Variants in KSR2 observed in about 807,000 individuals in gnomAD.
KSR2 encodes kinase suppressor of ras 2.
KSR2 carries 25 observed loss-of-function variants against 107.8 expected under a neutral mutation model. The ratio of observed to expected loss-of-function variants is 0.23; its 90% CI spans 0.17 to 0.32. The LOEUF (loss-of-function observed/expected upper bound fraction) is 0.32, where lower values mean the gene tolerates loss of function less well. Ranked by LOEUF, KSR2 falls within the 10% of genes least tolerant of loss-of-function variation. The pLI is 1.00. For synonymous variants in KSR2, 480 were observed against 507.0 expected (o/e 0.95, Z 0.71); for missense variants, 887 against 1,268.9 (o/e 0.70, Z 4.57).
At chr12:117,743,618 G>A (rs1014425424) in intron 4 of KSR2, among the ~76,000 whole-genome samples, 4 of 152,200 alleles carry the variant, frequency 2.6e-5, no homozygotes, top group African/African-American at 4.8e-5. Context: ...TCTCTATCTT[G>A]CAGAGAAGGA....
At chr12:117,610,791 G>A (rs943186298) in intron 5 of KSR2, among the ~76,000 whole-genome samples, 8 of 150,080 alleles carry the variant, frequency 5.3e-5, no homozygotes, top group African/African-American at 2.0e-4. Context: ...CCCACACGCA[G>A]TATTCCGAAT....
At chr12:117,781,774 C>T (rs1889897311) in intron 3 of KSR2, among the ~76,000 whole-genome samples, 1 of 152,202 alleles carries the variant, frequency 6.6e-6, no homozygotes, top group Non-Finnish European at 1.5e-5. Context: ...GCAGTTAACC[C>T]TCCCTGGCAC....
At chr12:117,568,697 G>A (rs181715144) in intron 7 of KSR2, among the ~76,000 whole-genome samples, 3,879 of 145,808 alleles carry the variant, frequency 0.027, 166 homozygotes, top group African/African-American at 0.1. Flanking sequence ...GCACCTGGGT[G>A]AGCCCCCAAT....
At chr12:117,771,882 G>A (rs116404086) in intron 3 of KSR2, among the ~76,000 whole-genome samples, 3 of 145,372 alleles carry the variant, frequency 2.1e-5, no homozygotes, top group African/African-American at 2.6e-5. Flanking sequence ...CCCCAAAGAC[G>A]CACAAACACA....
At chr12:117,506,868 T>C (rs1202600217) in intron 14 of KSR2, among the ~76,000 whole-genome samples, 2 of 152,136 alleles carry the variant, frequency 1.3e-5, no homozygotes, top group Non-Finnish European at 2.9e-5. Context: ...TATATATATG[T>C]ATACACACAC....
Position 117,518,756 on chromosome 12 carries a change from T to A in KSR2, c.2219+6096A>T, listed in dbSNP as rs1169052417. 3.3e-5 allele frequency among the ~76,000 whole-genome samples: 5 copies of A among 152,276 alleles called. No individual in the cohort carries two copies. The East Asian group carries it at 7.7e-4, about 23-fold the overall frequency. The stretch of plus-strand genomic sequence containing the variant: ...TTCTATAGCTCCTCAAACGTACCAA[T>A]CTCATACCTACCCCAGGGCCTTTGC... On this transcript the variant is annotated intron_variant, in intron 14 of 19. Transcript: ENST00000339824.
chr12:117,509,807 C>G (rs1023681800), intron 14 of KSR2, among the ~76,000 whole-genome samples: 1 of 152,208 alleles, frequency 6.6e-6, no homozygotes, highest in South Asian at 2.1e-4. Context: ...GTTCCCTTCT[C>G]GAGGTTCCTC....
chr12:117,711,181 G>A (rs1044616408), intron 4 of KSR2, among the ~76,000 whole-genome samples: 3 of 152,222 alleles, frequency 2.0e-5, no homozygotes, highest in Admixed American at 6.5e-5. Context: ...AGAGGGCAAA[G>A]ACATGAGATA....
chr12:117,930,042 T>A (rs975132727), intron 1 of KSR2, among the ~76,000 whole-genome samples: 8 of 152,088 alleles, frequency 5.3e-5, no homozygotes, highest in Non-Finnish European at 7.4e-5. Flanking sequence ...TACCTCAATT[T>A]AAAAAAAATT....
At chr12:117,694,767 G>A (rs1234274123) in intron 4 of KSR2, among the ~76,000 whole-genome samples, 1 of 151,330 alleles carries the variant, frequency 6.6e-6, no homozygotes, top group African/African-American at 2.4e-5. Context: ...TCTGACACAT[G>A]CTCCAACATG....
At chr12:117,558,651 A>ATGGATGGG (rs2137350095) in intron 7 of KSR2, 78 bp from the exon 8 acceptor site, 1 of 1,031,922 alleles carries the variant, frequency 9.7e-7, no homozygotes, top group Non-Finnish European at 1.5e-6. Context: ...GGATGAATGG[A>ATGGATGGG]TGGATGGGTG....
intron 1 of KSR2, among the ~76,000 whole-genome samples, chr12:117,912,162 A>T (rs899435620): frequency 6.6e-6 from 1 of 152,228 alleles, no homozygotes; most frequent in African/African-American, 2.4e-5. Context: ...GATAAACGAA[A>T]GTCCTGGATT....
chr12:117,639,804 G>A (rs1437163334), intron 5 of KSR2, among the ~76,000 whole-genome samples: 2 of 152,020 alleles, frequency 1.3e-5, no homozygotes, highest in African/African-American at 2.4e-5. Context: ...GGAAGATCAA[G>A]GGGCATTTCC....
chr12:117,938,240 G>A (rs1895904331), intron 1 of KSR2, among the ~76,000 whole-genome samples: 1 of 152,052 alleles, frequency 6.6e-6, no homozygotes, highest in Non-Finnish European at 1.5e-5. Flanking sequence ...ACACATATTT[G>A]TACATCATTA....
chr12:117,682,863 G>A (rs1371687013), intron 4 of KSR2, among the ~76,000 whole-genome samples: 1 of 152,188 alleles, frequency 6.6e-6, no homozygotes, highest in Non-Finnish European at 1.5e-5. Flanking sequence ...AGGCAAGAGA[G>A]GATGGAGGAT....
At chr12:117,656,941 G>GATATATATATATATATATATATATATAT (rs71099068) in intron 5 of KSR2, among the ~76,000 whole-genome samples, 1 of 102,506 alleles carries the variant, frequency 9.8e-6, no homozygotes, top group Non-Finnish European at 1.8e-5. Context: ...TATATAATAG[G>GATATATATATATATATATATATATATAT]ATATATATAT....
chr12:117,847,766 C>T (rs1482675479), intron 3 of KSR2, among the ~76,000 whole-genome samples: 1 of 152,200 alleles, frequency 6.6e-6, no homozygotes, highest in Non-Finnish European at 1.5e-5. Context: ...CCATACTGTT[C>T]TCTCTGTGCC....
At chr12:117,781,933 T>G (rs984117040) in intron 3 of KSR2, among the ~76,000 whole-genome samples, 1 of 152,112 alleles carries the variant, frequency 6.6e-6, no homozygotes, top group Non-Finnish European at 1.5e-5. Flanking sequence ...CCGTTGAAAC[T>G]GATAAAAAAT....
intron 5 of KSR2, among the ~76,000 whole-genome samples, chr12:117,647,793 G>C (rs1160782586): frequency 6.6e-6 from 1 of 152,114 alleles, no homozygotes; most frequent in African/African-American, 2.4e-5. Context: ...CGTGATCATA[G>C]CTCACTGCAA....
Sources: allele counts gnomAD v4.1 joint callset (sites outside exome capture counted in the v4.1 genomes callset), GRCh38; gene constraint gnomAD v4.1.1; transcripts MANE v1.5; gene names NCBI Gene and HGNC (gene_info 2026-07-23, HGNC 2026-07-21).